CDH13: variants seen among roughly 807,000 people sequenced by gnomAD.
The protein encoded by CDH13 is cadherin 13.
Under a neutral mutation model 63.8 loss-of-function variants are expected in CDH13, and 24 were observed. That is an observed-to-expected ratio of 0.38 (90% confidence interval 0.27 to 0.53). The LOEUF (loss-of-function observed/expected upper bound fraction) is 0.53, where lower values mean the gene tolerates loss of function less well. CDH13 is among the 20% of genes least tolerant of loss of function. The pLI is 0.85. For synonymous variants in CDH13, 503 were observed against 355.3 expected (o/e 1.42, Z -4.67); for missense variants, 1,049 against 903.1 (o/e 1.16, Z -2.07).
At chr16:83,210,990 A>T (rs2039322697) in intron 4 of CDH13, among the ~76,000 whole-genome samples, 1 of 151,908 alleles carries the variant, frequency 6.6e-6, no homozygotes, top group Admixed American at 6.6e-5. Flanking sequence ...TCTACTAAAA[A>T]TACAAAAATT....
At chr16:82,951,404 T>C (rs1424314129) in intron 2 of CDH13, among the ~76,000 whole-genome samples, 1 of 152,210 alleles carries the variant, frequency 6.6e-6, no homozygotes, top group Non-Finnish European at 1.5e-5. Flanking sequence ...AAATGGGTCC[T>C]GATATTCAGC....
At chr16:82,875,576 T>C (rs575490677) in intron 2 of CDH13, among the ~76,000 whole-genome samples, 1 of 152,312 alleles carries the variant, frequency 6.6e-6, no homozygotes, top group South Asian at 2.1e-4. Context: ...TTTTGTTTTG[T>C]TTTAATGTGT....
intron 11 of CDH13, among the ~76,000 whole-genome samples, chr16:83,779,436 A>AAAAAAAAAC (rs1915360267): frequency 6.7e-6 from 1 of 148,578 alleles, no homozygotes; most frequent in Non-Finnish European, 1.5e-5. Context: ...AAAAAAAAAA[A>AAAAAAAAAC]AAGTCTTATA....
At chr16:83,254,613 C>G (rs1222154761) in intron 5 of CDH13, among the ~76,000 whole-genome samples, 1 of 152,140 alleles carries the variant, frequency 6.6e-6, no homozygotes, top group Non-Finnish European at 1.5e-5. Flanking sequence ...TCTGCTTGTA[C>G]TTCTGCCTTA....
intron 6 of CDH13, among the ~76,000 whole-genome samples, chr16:83,448,699 A>G (rs892351311): frequency 6.6e-6 from 1 of 152,202 alleles, no homozygotes; most frequent in Non-Finnish European, 1.5e-5. Context: ...AGATGAGAGT[A>G]AGAGGATGCA....
At chr16:82,806,160 A>G (rs2151170007) in intron 1 of CDH13, among the ~76,000 whole-genome samples, 1 of 152,270 alleles carries the variant, frequency 6.6e-6, no homozygotes, top group East Asian at 1.9e-4. Context: ...CAAAGCATAT[A>G]AGGACTCTTC....
chr16:83,733,481 C>G (rs1231437338), intron 10 of CDH13, among the ~76,000 whole-genome samples: 1 of 152,184 alleles, frequency 6.6e-6, no homozygotes, highest in African/African-American at 2.4e-5. Flanking sequence ...GCACAGCTGC[C>G]TCTAAGTACC....
At chr16:83,687,808 C>T (rs1315634689) in intron 10 of CDH13, among the ~76,000 whole-genome samples, 4 of 152,336 alleles carry the variant, frequency 2.6e-5, no homozygotes, top group Non-Finnish European at 4.4e-5. Context: ...AGAGCCATTG[C>T]CGTCAGCCAA....
chr16:83,633,284 T>C (rs1399345306), intron 8 of CDH13, among the ~76,000 whole-genome samples: 1 of 152,212 alleles, frequency 6.6e-6, no homozygotes, highest in Non-Finnish European at 1.5e-5. Context: ...CTCTGACAGA[T>C]ACTGCATCCA....
chr16:83,609,154 G>A (rs553294888), intron 8 of CDH13, among the ~76,000 whole-genome samples: 8 of 152,206 alleles, frequency 5.3e-5, no homozygotes, highest in East Asian at 1.9e-4. Context: ...TTCAACTTGC[G>A]GCCTGTGAGC....
intron 1 of CDH13, among the ~76,000 whole-genome samples, chr16:82,798,614 C>T (rs1216526865): frequency 6.6e-6 from 1 of 152,164 alleles, no homozygotes; most frequent in African/African-American, 2.4e-5. Context: ...TTGGAAGACA[C>T]TTCCCCATTC....
intron 6 of CDH13, among the ~76,000 whole-genome samples, chr16:83,379,006 T>TACACAC (rs59189186): frequency 1.3e-4 from 19 of 148,916 alleles, no homozygotes; most frequent in Non-Finnish European, 8.9e-5. Flanking sequence ...TATATATATA[T>TACACAC]ACACACACAC....
At chr16:83,012,642 C>T (rs1266263907) in intron 2 of CDH13, among the ~76,000 whole-genome samples, 1 of 152,066 alleles carries the variant, frequency 6.6e-6, no homozygotes, top group African/African-American at 2.4e-5. Context: ...TGAAGACAAA[C>T]AGTTTTGCAC....
chr16:82,918,400 A>C (rs1238263805), intron 2 of CDH13, among the ~76,000 whole-genome samples: 2 of 152,134 alleles, frequency 1.3e-5, no homozygotes, highest in African/African-American at 4.8e-5. Context: ...GTGAGTAGAC[A>C]GCAGATGGGC....
intron 6 of CDH13, among the ~76,000 whole-genome samples, chr16:83,379,938 T>TATATATATATATAGAGAG: frequency 5.7e-5 from 7 of 123,440 alleles, no homozygotes; most frequent in Admixed American, 8.3e-5. Context: ...TATATATATA[T>TATATATATATATAGAGAG]AGAGAGAGAG....
At chr16:83,294,596 A>G (rs994248981) in intron 5 of CDH13, among the ~76,000 whole-genome samples, 4 of 128,454 alleles carry the variant, frequency 3.1e-5, no homozygotes, top group Non-Finnish European at 6.5e-5. Flanking sequence ...ATACATATAT[A>G]TGTGTATGTG....
At chr16:83,239,190 A>G (rs1895535) in intron 5 of CDH13, among the ~76,000 whole-genome samples, 144,234 of 152,210 alleles carry the variant, frequency 0.95, 68,352 homozygotes, top group East Asian at 1. Context: ...TTTCATTAAT[A>G]TGAGAGATCA....
intron 13 of CDH13, among the ~76,000 whole-genome samples, chr16:83,791,058 C>T (rs1010582978): frequency 6.6e-6 from 1 of 152,024 alleles, no homozygotes; most frequent in Non-Finnish European, 1.5e-5. Context: ...TGGCTCATGC[C>T]TGTAATCCCA....
At chr16:83,602,327 C>G (rs184253413) in intron 7 of CDH13, 127 bp from the exon 8 acceptor site, 100 of 897,114 alleles carry the variant, frequency 1.1e-4, no homozygotes, top group Non-Finnish European at 1.8e-4. Flanking sequence ...AATGTTATCA[C>G]TCTTTAAAGA....
Sources: allele counts gnomAD v4.1 joint callset (sites outside exome capture counted in the v4.1 genomes callset), GRCh38; gene constraint gnomAD v4.1.1; transcripts MANE v1.5; gene names NCBI Gene and HGNC (gene_info 2026-07-23, HGNC 2026-07-21).